The following OXR1 variants were observed in gnomAD, a reference collection of about 807,000 sequenced individuals.
OXR1 encodes the protein oxidation resistance protein 1.
A neutral mutation model predicts 104.6 loss-of-function variants in OXR1; 41 were observed. The observed-to-expected ratio is 0.39, with a 90% CI of 0.31 to 0.51. The LOEUF (loss-of-function observed/expected upper bound fraction) is 0.51, where lower values mean the gene tolerates loss of function less well. Among genes scored for constraint, OXR1 ranks in the 20% least tolerant of loss-of-function variants. The pLI is 0.77. For missense variants in OXR1, 955 were observed against 1,031.9 expected, an observed-to-expected ratio of 0.93 and a Z score of 1.02; for synonymous variants, 348 against 348.4, an observed-to-expected ratio of 1.00 and a Z score of 0.01.
At chr8:106,580,185 G>A (rs1818130804) in intron 3 of OXR1, among the ~76,000 whole-genome samples, 1 of 152,114 alleles carries the variant, frequency 6.6e-6, no homozygotes, top group Non-Finnish European at 1.5e-5. Flanking sequence ...AATAGTAAAA[G>A]CCATCTCCAG....
At chr8:106,572,647 A>T (rs1260517010) in intron 3 of OXR1, among the ~76,000 whole-genome samples, 7 of 151,978 alleles carry the variant, frequency 4.6e-5, no homozygotes, top group African/African-American at 7.3e-5. Context: ...TTCAGCCAAG[A>T]TTTTTTTTGC....
chr8:106,506,902 G>A (rs1377875896), intron 2 of OXR1, among the ~76,000 whole-genome samples: 3 of 151,928 alleles, frequency 2.0e-5, no homozygotes, highest in African/African-American at 7.2e-5. Context: ...ACCAAGCTGG[G>A]CAACATAATG....
chr8:106,710,977 T>C (rs1429573146), intron 10 of OXR1, among the ~76,000 whole-genome samples, 187 bp downstream of exon 10: 1 of 152,108 alleles, frequency 6.6e-6, no homozygotes, highest in Non-Finnish European at 1.5e-5. Context: ...CATTCCCTTT[T>C]GTAGTTTATT....
chr8:106,703,241 A>G (rs1447727332), intron 8 of OXR1, 151 bp downstream of exon 8: 2 of 559,110 alleles, frequency 3.6e-6, no homozygotes, highest in Non-Finnish European at 6.3e-6. Flanking sequence ...TGAGAAGATT[A>G]TTCTTAATTT....
chr8:106,598,352 G>A (rs1414292975), intron 3 of OXR1, among the ~76,000 whole-genome samples: 1 of 152,062 alleles, frequency 6.6e-6, no homozygotes, highest in Non-Finnish European at 1.5e-5. Flanking sequence ...AGTTTTTCCT[G>A]CCAGGTGCTT....
At chr8:106,457,108 A>G (rs906995275) in intron 2 of OXR1, among the ~76,000 whole-genome samples, 6 of 152,194 alleles carry the variant, frequency 3.9e-5, no homozygotes, top group Non-Finnish European at 8.8e-5. Context: ...CCAATGTGCC[A>G]GTCAGTGTGC....
chr8:106,424,911 A>G (rs1217703434), intron 2 of OXR1, among the ~76,000 whole-genome samples: 1 of 151,756 alleles, frequency 6.6e-6, no homozygotes, highest in Non-Finnish European at 1.5e-5. Context: ...TTGATTTGAC[A>G]TATTTTTTAA....
chr8:106,323,174 T>G (rs1814298617), intron 1 of OXR1, among the ~76,000 whole-genome samples: 1 of 152,158 alleles, frequency 6.6e-6, no homozygotes, highest in South Asian at 2.1e-4. Context: ...AGCGTGGTAG[T>G]GGTACAAAAA....
intron 1 of OXR1, among the ~76,000 whole-genome samples, chr8:106,333,190 C>T (rs1222261688): frequency 1.3e-5 from 2 of 151,994 alleles, no homozygotes; most frequent in Non-Finnish European, 2.9e-5. Flanking sequence ...TATGATAACT[C>T]TACCTTTGAG....
intron 2 of OXR1, among the ~76,000 whole-genome samples, chr8:106,364,356 G>T (rs1816376741): frequency 6.6e-6 from 1 of 152,136 alleles, no homozygotes; most frequent in African/African-American, 2.4e-5. Context: ...GAGGCGGGTG[G>T]ATCACTTGAA....
chr8:106,463,328 C>T (rs1821007077), intron 2 of OXR1, among the ~76,000 whole-genome samples: 1 of 152,008 alleles, frequency 6.6e-6, no homozygotes, highest in African/African-American at 2.4e-5. Context: ...AATGCATAAA[C>T]ATTTAGTTTT....
intron 2 of OXR1, among the ~76,000 whole-genome samples, chr8:106,507,760 T>C (rs1259875204): frequency 6.6e-6 from 1 of 152,118 alleles, no homozygotes; most frequent in Non-Finnish European, 1.5e-5. Flanking sequence ...CACTTCGGAG[T>C]AAAGCCTTGA....
At chr8:106,703,991 GA>G (rs1304414811) in intron 8 of OXR1, among the ~76,000 whole-genome samples, 9 of 151,782 alleles carry the variant, frequency 5.9e-5, no homozygotes, top group Non-Finnish European at 8.8e-5. Flanking sequence ...ACTTACAAAG[GA>G]AAAAAGGGAC....
At chr8:106,638,220 C>T (rs961056807) in intron 3 of OXR1, among the ~76,000 whole-genome samples, 3 of 152,176 alleles carry the variant, frequency 2.0e-5, no homozygotes, top group East Asian at 1.9e-4. Flanking sequence ...ATCCCACCAT[C>T]CCTATATCCT....
At chr8:106,509,806 C>T (rs1812402700) in intron 2 of OXR1, among the ~76,000 whole-genome samples, 1 of 152,226 alleles carries the variant, frequency 6.6e-6, no homozygotes, top group Non-Finnish European at 1.5e-5. Context: ...GAGTCTCGCT[C>T]TGTCGCCCAG....
rs567550426 is a variant in OXR1, at chr8:106,488,956, T to G, written c.24-29987T>G. Among the ~76,000 whole-genome samples the G allele has an allele frequency of 6.4e-3, 961 of 151,180 alleles. 15 individuals carry two copies. The highest frequency in any genetic ancestry group is 0.023 in the African/African-American group (934 of 41,070). ...TTTAAAGTAGTTTTTTCCAATTCTG[T>G]GAAGAAAGTCATTGGTAGCTTGATA... On this transcript the variant is annotated intron_variant, in intron 2 of 16. Coordinates refer to ENST00000517566, the MANE Select transcript of OXR1 (RefSeq NM_001198533.2).
intron 2 of OXR1, among the ~76,000 whole-genome samples, chr8:106,420,909 G>A (rs571849538): frequency 6.6e-6 from 1 of 152,074 alleles, no homozygotes. Context: ...CACACTATAA[G>A]GGAAACTGCT....
chr8:106,526,572 T>TCA (rs1213270212), intron 3 of OXR1, among the ~76,000 whole-genome samples: 4 of 152,228 alleles, frequency 2.6e-5, no homozygotes, highest in Non-Finnish European at 5.9e-5. Context: ...AGACGGAGTC[T>TCA]CGCTCTGTCG....
chr8:106,323,854 A>G (rs1481607286), intron 1 of OXR1, among the ~76,000 whole-genome samples: 14 of 152,162 alleles, frequency 9.2e-5, no homozygotes, highest in Admixed American at 8.5e-4. Flanking sequence ...AAAAAGTAAA[A>G]AAATAATAGA....
Sources: allele counts gnomAD v4.1 joint callset (sites outside exome capture counted in the v4.1 genomes callset), GRCh38; gene constraint gnomAD v4.1.1; transcripts MANE v1.5; gene names NCBI Gene and HGNC (gene_info 2026-07-23, HGNC 2026-07-21).